TAF11: variants seen among roughly 807,000 people sequenced by gnomAD.
TAF11 encodes transcription initiation factor TFIID subunit 11.
Under a neutral mutation model 23.0 loss-of-function variants are expected in TAF11, and 10 were observed. That is an observed-to-expected ratio of 0.43 (90% CI 0.27 to 0.74). TAF11 has a LOEUF of 0.74. TAF11 is among the 30% of genes least tolerant of loss of function. The pLI is 0.19. For missense variants in TAF11, 196 were observed against 261.7 expected, an observed-to-expected ratio of 0.75 and a Z score of 1.73; for synonymous variants, 85 against 95.8, an observed-to-expected ratio of 0.89 and a Z score of 0.66.
intron 2 of TAF11, among the ~76,000 whole-genome samples, chr6:34,881,219 GTTAAA>G (rs1766418621): frequency 6.6e-6 from 1 of 152,088 alleles, no homozygotes; most frequent in African/African-American, 2.4e-5. Context: ...ATAGGGATTG[GTTAAA>G]TTATAGTTCA....
chr6:34,879,072 G>A (rs1356954490), intron 4 of TAF11, among the ~76,000 whole-genome samples: 1 of 152,102 alleles, frequency 6.6e-6, no homozygotes, highest in Non-Finnish European at 1.5e-5. Context: ...AGGGGTGGTG[G>A]TGCGCACCTG....
chr6:34,879,014 G>A (rs1766367441), intron 4 of TAF11, among the ~76,000 whole-genome samples: 1 of 152,070 alleles, frequency 6.6e-6, no homozygotes, highest in Non-Finnish European at 1.5e-5. Flanking sequence ...AGACCAACCT[G>A]GGCAACATGG....
chr6:34,878,432 T>C lies in TAF11; in HGVS notation c.*158A>G. ...CAAGTATCAATCAGGCTACATACTTTCTAGGTGTGACAAATATCAGAGTTT... is the reference window on the plus strand; with the variant it reads ...CAAGTATCAATCAGGCTACATACTTCCTAGGTGTGACAAATATCAGAGTTT... On this transcript the variant is annotated 3_prime_UTR_variant, in exon 5 of 5. Transcript: ENST00000361288. 1.6e-6 allele frequency: 1 copy of C among 636,736 alleles called. No homozygotes were observed. The highest frequency in any genetic ancestry group is 2.6e-5 in the Admixed American group (1 of 38,396). The allele number at this position is 636,736 out of a possible 1,614,324, so 39.4% of individuals were successfully genotyped here. A position where few individuals can be genotyped will look rare whatever the true frequency, so the allele number is the denominator to read the frequency against.
intron 1 of TAF11, among the ~76,000 whole-genome samples, chr6:34,886,114 C>A (rs4646919): frequency 6.6e-6 from 1 of 152,014 alleles, no homozygotes; most frequent in South Asian, 2.1e-4. Flanking sequence ...GGCGGCAGAG[C>A]GAGACTCTGT....
intron 1 of TAF11, among the ~76,000 whole-genome samples, chr6:34,887,179 G>C (rs1766541213): frequency 6.6e-6 from 1 of 152,132 alleles, no homozygotes; most frequent in South Asian, 2.1e-4. Flanking sequence ...GTGTGCGCCT[G>C]TAATCCTAGC....
rs1168882580 is a variant in TAF11 at position 34,880,188 on chromosome 6, C to T, written c.408+101G>A. 2.6e-6 allele frequency: 4 copies of T among 1,525,178 alleles called. No individual in the cohort carries two copies. The highest frequency in any genetic ancestry group is 1.4e-5 in the African/African-American group (1 of 72,714). 94.5% of individuals were successfully genotyped at this position (1,525,178 alleles called of 1,614,324 possible). A position where few individuals can be genotyped will look rare whatever the true frequency, so the allele number is the denominator to read the frequency against. On this transcript the variant is annotated intron_variant, in intron 3 of 4. Transcript: ENST00000361288. This position sits in a 1 kb window ranked among gnomAD's most constrained non-coding sequence, Gnocchi z 4.8. ...GCATTTTTTTTCCCACCTAAATAATCCCCTGACTTGTCTAACACCTCACTT... is the reference window on the plus strand; with the variant it reads ...GCATTTTTTTTCCCACCTAAATAATTCCCTGACTTGTCTAACACCTCACTT...
Position 34,883,035 on chromosome 6 carries a change from C to A in TAF11, c.217G>T (p.Asp73Tyr), listed in dbSNP as rs1286506319. 2 of 1,611,154 alleles carry A rather than the reference C, an allele frequency of 1.2e-6. No homozygotes were observed. The highest frequency in any genetic ancestry group is 3.4e-5 in the Admixed American group (2 of 59,582). Residue 73 changes from aspartate to tyrosine, a missense_variant, in exon 2 of 5, where the codon GAC becomes TAC. Asp to Tyr is a radical substitution (Grantham distance 160). Transcript: ENST00000361288. ...VSDLTTVEREDSSLLNPAAKK... is the reference protein window; with the variant it reads ...VSDLTTVEREYSSLLNPAAKK... Reference sequence around the variant, plus strand: ...GCTGCAGGATTAAGTAATGATGAGTCTTCCCTTTCAACTGTTGTTAAATCT... The same window carrying A: ...GCTGCAGGATTAAGTAATGATGAGTATTCCCTTTCAACTGTTGTTAAATCT...
chr6:34,880,377 C>G lies in TAF11; in HGVS notation c.321-1G>C. 1 of 1,613,470 alleles carries G rather than the reference C, an allele frequency of 6.2e-7. No individual in the cohort carries two copies. Among genetic ancestry groups the G allele is most frequent in the Non-Finnish European group, 8.5e-7 (1 of 1,179,648 alleles). On this transcript the variant is annotated splice_acceptor_variant, in intron 2 of 4. Coordinates refer to ENST00000361288, the MANE Select transcript of TAF11 (RefSeq NM_005643.4). LOFTEE classifies it high-confidence loss of function. This position sits in a 1 kb window ranked among gnomAD's most constrained non-coding sequence, Gnocchi z 4.8. ...CTCAGAAAAAGAAGAAACCAGGATTCTAAACAAAGATCCAGGTAACTAAGT... is the reference window on the plus strand; with the variant it reads ...CTCAGAAAAAGAAGAAACCAGGATTGTAAACAAAGATCCAGGTAACTAAGT...
intron 1 of TAF11, 71 bp from the exon 2 acceptor site, chr6:34,883,151 C>A (rs866797453): frequency 6.8e-7 from 1 of 1,472,728 alleles, no homozygotes; most frequent in Middle Eastern, 1.7e-4. Flanking sequence ...AAGAAGACAT[C>A]ATCCTTATCA....
chr6:34,883,196 A>G (rs1453235263), intron 1 of TAF11, 116 bp from the exon 2 acceptor site: 6 of 1,035,598 alleles, frequency 5.8e-6, no homozygotes, highest in Non-Finnish European at 8.4e-6. Flanking sequence ...GTAGTTTTTC[A>G]GTTCTAGGCA....
At position 34,880,189 on chromosome 6, in the gene TAF11, C is replaced by G. The variant is rs1766396562; in HGVS notation, c.408+100G>C. 6.6e-7 allele frequency: 1 copy of G among 1,526,484 alleles called. No homozygotes were observed. Among genetic ancestry groups the G allele is most frequent in the Admixed American group, 1.7e-5 (1 of 58,138 alleles). The allele number at this position is 1,526,484 out of a possible 1,614,324, so 94.6% of individuals were successfully genotyped here. A position where few individuals can be genotyped will look rare whatever the true frequency, so the allele number is the denominator to read the frequency against. Reference sequence around the variant, plus strand: ...CATTTTTTTTCCCACCTAAATAATCCCCTGACTTGTCTAACACCTCACTTC... The same window carrying G: ...CATTTTTTTTCCCACCTAAATAATCGCCTGACTTGTCTAACACCTCACTTC... On this transcript the variant is annotated intron_variant, in intron 3 of 4. Transcript: ENST00000361288. This position sits in a 1 kb window ranked among gnomAD's most constrained non-coding sequence, Gnocchi z 4.8.
rs899689524 is a variant in TAF11, at chr6:34,888,028, A to G, written c.-71T>C. The G allele has an allele frequency of 6.3e-7, 1 of 1,597,344 alleles. No homozygotes were observed. Among genetic ancestry groups the G allele is most frequent in the African/African-American group, 1.3e-5 (1 of 74,656 alleles). ...GCAGAAGCTCGGAAACCCGAGCTGCACAGGCCAGGATCTTACTTCCTGTCG... is the reference window on the plus strand; with the variant it reads ...GCAGAAGCTCGGAAACCCGAGCTGCGCAGGCCAGGATCTTACTTCCTGTCG... On this transcript the variant is annotated 5_prime_UTR_variant, in exon 1 of 5. Coordinates refer to ENST00000361288, the MANE Select transcript of TAF11 (RefSeq NM_005643.4).
rs1388688273 is a variant in TAF11 at position 34,880,626 on chromosome 6, G to A, written c.321-250C>T. ...CTGGGTCACTGTATCGTACTACACA[G>A]ACTGTTTGCAGCATTAGACACTATC... On this transcript the variant is annotated intron_variant, in intron 2 of 4. Transcript: ENST00000361288. The surrounding 1 kb of genome is among the most constrained non-coding windows in gnomAD (Gnocchi z 4.8). Among the ~76,000 whole-genome samples, 2 of 151,708 alleles carry A rather than the reference G, an allele frequency of 1.3e-5. No individual in the cohort carries two copies. Among genetic ancestry groups the A allele is most frequent in the African/African-American group, 4.9e-5 (2 of 40,984 alleles).
At chr6:34,887,668 G>A (rs964330390) in intron 1 of TAF11, 119 bp downstream of exon 1, 2 of 1,240,790 alleles carry the variant, frequency 1.6e-6, no homozygotes, top group Non-Finnish European at 2.3e-6. Context: ...ACGATCTGGA[G>A]GGAATTCTGG....
intron 4 of TAF11, chr6:34,879,696 T>C (rs1197715802): frequency 3.7e-5 from 36 of 985,236 alleles, no homozygotes; most frequent in Non-Finnish European, 3.9e-5. Context: ...ATGAGCAAAG[T>C]CCACTGCAGA....
chr6:34,879,263 G>C, intron 4 of TAF11: 1 of 416,958 alleles, frequency 2.4e-6, no homozygotes, highest in Non-Finnish European at 3.2e-6. Context: ...CACGCCTACA[G>C]TCCCAGCTAC....
intron 1 of TAF11, among the ~76,000 whole-genome samples, chr6:34,886,918 T>A (rs1000143542): frequency 6.6e-6 from 1 of 152,172 alleles, no homozygotes; most frequent in African/African-American, 2.4e-5. Flanking sequence ...AGAAATGTAA[T>A]CCTGAGAACG....
intron 1 of TAF11, among the ~76,000 whole-genome samples, chr6:34,886,333 C>T (rs1341147782): frequency 6.7e-6 from 1 of 150,022 alleles, no homozygotes; most frequent in East Asian, 2.0e-4. Flanking sequence ...GAGCCAAGAT[C>T]ACGCCACTGC....
Position 34,880,126 on chromosome 6 carries a change from C to A in TAF11, c.409-63G>T. ...CAAAGACTGGCTTTGGAACACAGTA[C>A]CAAGTAATTCACAGAAAAAGGTAAG... is the stretch of plus-strand genomic sequence containing the variant. On this transcript the variant is annotated intron_variant, in intron 3 of 4. Coordinates refer to ENST00000361288, the MANE Select transcript of TAF11 (RefSeq NM_005643.4). The surrounding 1 kb of genome is among the most constrained non-coding windows in gnomAD (Gnocchi z 4.8). 1 of 1,558,934 alleles carries A rather than the reference C, an allele frequency of 6.4e-7. No individual in the cohort carries two copies. Among genetic ancestry groups the A allele is most frequent in the Non-Finnish European group, 8.8e-7 (1 of 1,133,750 alleles).
Sources: allele counts gnomAD v4.1 joint callset (sites outside exome capture counted in the v4.1 genomes callset), GRCh38; gene constraint gnomAD v4.1.1; non-coding constraint Gnocchi (gnomAD v3.1); transcripts MANE v1.5; gene names NCBI Gene and HGNC (gene_info 2026-07-23, HGNC 2026-07-21).